Variants in FRMD1 observed in about 807,000 individuals in gnomAD.
FRMD1 encodes the protein FERM domain-containing protein 1.
In FRMD1, 51 loss-of-function variants were observed where a neutral mutation model predicts 54.9. The ratio of observed to expected loss-of-function variants is 0.93; its 90% confidence interval spans 0.74 to 1.17. The LOEUF is 1.17. FRMD1 is among the 50% of genes most tolerant of loss of function. The pLI is 0.00. For synonymous variants in FRMD1, 324 were observed against 306.4 expected, an observed-to-expected ratio of 1.06 and a Z score of -0.60; for missense variants, 729 against 743.0, an observed-to-expected ratio of 0.98 and a Z score of 0.22.
rs1799747291 is a variant in FRMD1 at position 168,061,779 on chromosome 6, GAGCCCAGCATACCC to G, written c.1045+14_1045+27del. ...GCCCAGAAGGCACAGTCCGGCTGCG[GAGCCCAGCATACCC>G]AGCCCAGCCCCACCTTCTGCCTCCT... is the stretch of plus-strand genomic sequence containing the variant. On this transcript the variant is annotated intron_variant, in intron 8 of 10. Coordinates refer to ENST00000283309, the MANE Select transcript of FRMD1 (RefSeq NM_024919.6). 1 of 1,532,212 alleles carries G rather than the reference GAGCCCAGCATACCC, an allele frequency of 6.5e-7. No homozygotes were observed. The highest frequency in any genetic ancestry group is 8.8e-7 in the Non-Finnish European group (1 of 1,138,816). The allele number at this position is 1,532,212 out of a possible 1,614,324, so 94.9% of individuals were successfully genotyped here.
chr6:168,064,074 C>T (rs537417230), intron 5 of FRMD1, among the ~76,000 whole-genome samples: 3 of 152,350 alleles, frequency 2.0e-5, no homozygotes, highest in East Asian at 1.9e-4. Context: ...CAGTGAGGAC[C>T]AGCTGGGGCC....
intron 2 of FRMD1, among the ~76,000 whole-genome samples, chr6:168,072,169 C>A (rs952553011): frequency 6.6e-6 from 1 of 152,178 alleles, no homozygotes; most frequent in African/African-American, 2.4e-5. Flanking sequence ...ACCTGCCCCG[C>A]CTGGGTGATG....
At chr6:168,081,607 CACAAAG>C (rs1248535108), upstream of FRMD1, 2 of 1,232,820 alleles carry the variant, frequency 1.6e-6, no homozygotes, top group East Asian at 2.6e-5. Flanking sequence ...GCTCTAGGTC[CACAAAG>C]CACAGGTTTT....
chr6:168,075,884 T>A, intron 1 of FRMD1: 1 of 494,108 alleles, frequency 2.0e-6, no homozygotes, highest in South Asian at 3.4e-5. Flanking sequence ...GGTGTCCACA[T>A]TTCCGGCGTC....
chr6:168,059,639 C>T lies in FRMD1; in HGVS notation c.1343-451G>A, dbSNP rs1799612190. 6.6e-6 allele frequency among the ~76,000 whole-genome samples: 1 copy of T among 152,146 alleles called. No homozygotes were observed. The highest frequency in any genetic ancestry group is 1.9e-4 in the East Asian group (1 of 5,170). ...TGACTGAGCCCTGGGGCTGGTCCCA[C>T]CTGATCTCATCACATCCACCGTCAG... is the stretch of plus-strand genomic sequence containing the variant. On this transcript the variant is annotated intron_variant, in intron 9 of 10. Transcript: ENST00000283309. The surrounding 1 kb of genome is among the most constrained non-coding windows in gnomAD (Gnocchi z 4.4).
At chr6:168,060,035 A>ATGTGTG (rs1377417196) in intron 9 of FRMD1, among the ~76,000 whole-genome samples, 1 of 113,620 alleles carries the variant, frequency 8.8e-6, no homozygotes, top group African/African-American at 3.4e-5. Context: ...GGGGCTTCCT[A>ATGTGTG]GGAGTCAGAA....
intron 7 of FRMD1, 93 bp from the exon 8 acceptor site, chr6:168,062,074 G>T: frequency 1.5e-6 from 2 of 1,374,024 alleles, no homozygotes; most frequent in South Asian, 2.8e-5. Context: ...ATGGCCCCCA[G>T]GGGGACGAGG....
rs1388211963 is a variant in FRMD1 at position 168,054,228 on chromosome 6, G to A, written c.*2869C>T. On this transcript the variant is annotated 3_prime_UTR_variant, in exon 11 of 11. Coordinates refer to ENST00000283309, the MANE Select transcript of FRMD1 (RefSeq NM_024919.6). Reference sequence around the variant, plus strand: ...CCGGGGCCCAGCGAGACCCACAGAAGCAGACGCAGTGGGGGGCTGAGAAAC... The same window carrying A: ...CCGGGGCCCAGCGAGACCCACAGAAACAGACGCAGTGGGGGGCTGAGAAAC... 2.0e-5 allele frequency: 3 copies of A among 152,268 alleles called. No individual in the cohort carries two copies. Among genetic ancestry groups the A allele is most frequent in the African/African-American group, 4.8e-5 (2 of 41,466 alleles). 9.4% of individuals were successfully genotyped at this position (152,268 alleles called of 1,614,324 possible). A position where few individuals can be genotyped will look rare whatever the true frequency, so the allele number is the denominator to read the frequency against.
chr6:168,067,256 G>T (rs577504529), intron 3 of FRMD1, 111 bp downstream of exon 3: 5 of 729,822 alleles, frequency 6.9e-6, no homozygotes, highest in African/African-American at 5.2e-5. Context: ...GCATCCCCGC[G>T]GTCCCCCACA....
intron 5 of FRMD1, among the ~76,000 whole-genome samples, chr6:168,064,499 A>T (rs915123656): frequency 1.3e-5 from 2 of 151,494 alleles, no homozygotes; most frequent in East Asian, 2.0e-4. Context: ...GGGTCCCAGG[A>T]TACTTAGAGA....
chr6:168,061,099 G>C, intron 8 of FRMD1, 42 bp from the exon 9 acceptor site: 1 of 1,567,780 alleles, frequency 6.4e-7, no homozygotes, highest in Non-Finnish European at 8.7e-7. Context: ...GCTGGAGAGG[G>C]ACCAGCCCTG....
At chr6:168,090,174 A>G (rs1800992519) in intron 1 of FRMD1, among the ~76,000 whole-genome samples, 1 of 151,858 alleles carries the variant, frequency 6.6e-6, no homozygotes, top group African/African-American at 2.4e-5. Context: ...CTCCCTCCTG[A>G]ATGTTGGCAA....
chr6:168,084,882 G>A (rs1402178263), upstream of FRMD1, among the ~76,000 whole-genome samples: 2 of 152,220 alleles, frequency 1.3e-5, no homozygotes, highest in African/African-American at 4.8e-5. Context: ...AAATGAGGGT[G>A]GCAACCAAAC....
rs760359952 is a variant in FRMD1, at chr6:168,066,752, T to C, written c.461+3A>G. 1.2e-6 allele frequency: 2 copies of C among 1,611,866 alleles called. No homozygotes were observed. Among genetic ancestry groups the C allele is most frequent in the Non-Finnish European group, 1.7e-6 (2 of 1,179,352 alleles). ...ACACCCCTTACAGTCCGCATGCCGT[T>C]ACCTTATGACCCTTCCGTTTTCCAC... is the stretch of plus-strand genomic sequence containing the variant. On this transcript the variant is annotated splice_donor_region_variant and intron_variant, in intron 4 of 10. Transcript: ENST00000283309.
At chr6:168,084,117 T>C (rs769312135), upstream of FRMD1, among the ~76,000 whole-genome samples, 22 of 152,122 alleles carry the variant, frequency 1.4e-4, 1 homozygote, top group Admixed American at 1.4e-3. Context: ...GGGAGAAGAC[T>C]AGAGACGGCA....
upstream of FRMD1, among the ~76,000 whole-genome samples, chr6:168,082,141 C>T (rs1445323469): frequency 6.6e-6 from 1 of 152,174 alleles, no homozygotes; most frequent in Non-Finnish European, 1.5e-5. Flanking sequence ...TCCGGGAATG[C>T]TAGGGCTGCC....
intron 1 of FRMD1, among the ~76,000 whole-genome samples, chr6:168,092,404 C>T (rs781341068): frequency 2.6e-5 from 4 of 151,172 alleles, no homozygotes; most frequent in East Asian, 3.9e-4. Flanking sequence ...TGTTAGGAGG[C>T]GGGGCCTTTG....
chr6:168,082,395 C>G, upstream of FRMD1, among the ~76,000 whole-genome samples: 1 of 152,306 alleles, frequency 6.6e-6, no homozygotes, highest in East Asian at 1.9e-4. Flanking sequence ...TTCGGCCACC[C>G]GACCCCTCCT....
intron 7 of FRMD1, 76 bp downstream of exon 7, chr6:168,062,818 C>A: frequency 6.2e-7 from 1 of 1,605,806 alleles, no homozygotes; most frequent in Non-Finnish European, 8.5e-7. Flanking sequence ...CTACACAGCC[C>A]AGACTCCAGT....
Sources: gnomAD v4.1 joint callset for allele counts (sites outside exome capture counted in the v4.1 genomes callset) on GRCh38, gnomAD v4.1.1 for gene constraint, Gnocchi (gnomAD v3.1) non-coding constraint, MANE v1.5 for transcripts, NCBI Gene and HGNC (gene_info 2026-07-23, HGNC 2026-07-21) for gene names.